Variants in STT3A observed in about 807,000 individuals in gnomAD.
STT3A encodes the protein dolichyl-diphosphooligosaccharide--protein glycosyltransferase subunit STT3A.
STT3A carries 34 observed loss-of-function variants against 89.2 expected under a neutral mutation model. That is an observed-to-expected ratio of 0.38 (90% CI 0.29 to 0.51). The LOEUF (loss-of-function observed/expected upper bound fraction) is 0.51. STT3A is among the 20% of genes least tolerant of loss of function. The pLI, the probability that STT3A is intolerant of heterozygous loss-of-function variation, is 0.89. For synonymous variants in STT3A, 282 were observed against 310.3 expected (o/e 0.91, Z 0.96); for missense variants, 555 against 889.5 (o/e 0.62, Z 4.78).
At chr11:125,602,525 A>G in intron 4 of STT3A, 101 bp downstream of exon 4, 1 of 1,337,394 alleles carries the variant, frequency 7.5e-7, no homozygotes, top group Non-Finnish European at 1.0e-6. Flanking sequence ...GTCTTGTGAC[A>G]CTTGTAATTT....
chr11:125,596,646 G>A (rs916542555), intron 2 of STT3A, among the ~76,000 whole-genome samples: 2 of 152,168 alleles, frequency 1.3e-5, no homozygotes, highest in Non-Finnish European at 2.9e-5. Flanking sequence ...AGTTTACTCT[G>A]TATTTTAGAT....
intron 2 of STT3A, among the ~76,000 whole-genome samples, chr11:125,596,413 C>T (rs896935253): frequency 1.3e-5 from 2 of 152,074 alleles, no homozygotes; most frequent in Non-Finnish European, 2.9e-5. Flanking sequence ...TGCAGTAAGC[C>T]GAGATTGCAC....
At position 125,602,674 on chromosome 11, in the gene STT3A, T is replaced by G. The variant is rs1939721319; in HGVS notation, c.272-129T>G. 2.3e-6 allele frequency: 3 copies of G among 1,288,504 alleles called. No homozygotes were observed. The African/African-American group carries it at 4.4e-5, about 19-fold the overall frequency. 79.8% of individuals were successfully genotyped at this position (1,288,504 alleles called of 1,614,324 possible). A position where few individuals can be genotyped will look rare whatever the true frequency, so the allele number is the denominator to read the frequency against. On this transcript the variant is annotated intron_variant, in intron 4 of 17. Coordinates refer to ENST00000392708, the MANE Select transcript of STT3A (RefSeq NM_152713.5). ...GAGAAATTTATAGGCTTACTGCAGT[T>G]GCTATGTTAGTATTTCTGGTGATTT... is the stretch of plus-strand genomic sequence containing the variant.
chr11:125,611,644 TG>T, intron 11 of STT3A, 125 bp downstream of exon 11: 1 of 868,904 alleles, frequency 1.2e-6, no homozygotes. Context: ...TTTGAGGGAA[TG>T]AGTTGTAAGT....
At position 125,613,159 on chromosome 11, in the gene STT3A, T is replaced by C; in HGVS notation, c.1536T>C (p.Leu512=). The change falls in exon 13 of 18, where the codon CTT becomes CTC. Residue 512 remains leucine (L), a synonymous_variant. Coordinates refer to ENST00000392708, the MANE Select transcript of STT3A (RefSeq NM_152713.5). The surrounding 1 kb of genome is among the most constrained non-coding windows in gnomAD (Gnocchi z 4.2). ...FDDFREAYYW[L]RHNTPEDAKV... ...ACTTCCGAGAAGCATATTATTGGCT[T>C]CGTCATAATACTCCAGAGGTGAAGA... is the stretch of plus-strand genomic sequence containing the variant. The C allele has an allele frequency of 6.2e-7, 1 of 1,613,938 alleles. No homozygotes were observed. Among genetic ancestry groups the C allele is most frequent in the African/African-American group, 1.3e-5 (1 of 75,004 alleles).
Position 125,620,877 on chromosome 11 carries a change from T to TG in STT3A, c.*67_*68insG. 3 of 1,427,584 alleles carry TG rather than the reference T, an allele frequency of 2.1e-6. No homozygotes were observed. Among genetic ancestry groups the TG allele is most frequent in the Non-Finnish European group, 2.9e-6 (3 of 1,051,098 alleles). 88.4% of individuals were successfully genotyped at this position (1,427,584 alleles called of 1,614,324 possible). A position where few individuals can be genotyped will look rare whatever the true frequency, so the allele number is the denominator to read the frequency against. On this transcript the variant is annotated 3_prime_UTR_variant, in exon 18 of 18. Coordinates refer to ENST00000392708, the MANE Select transcript of STT3A (RefSeq NM_152713.5). ...ACATTTAGGACGTTGAAGATTTTTTTTTTTTTTTTTTTTTAATATGCAGTT... is the reference window on the plus strand; with the variant it reads ...ACATTTAGGACGTTGAAGATTTTTTTGTTTTTTTTTTTTTTAATATGCAGTT...
upstream of STT3A, chr11:125,592,403 G>C (rs1939325686): frequency 2.2e-6 from 1 of 456,146 alleles, no homozygotes; most frequent in Non-Finnish European, 4.4e-6. Flanking sequence ...CCTTGTATTA[G>C]GTAACAATTT....
intron 3 of STT3A, among the ~76,000 whole-genome samples, chr11:125,601,005 G>T (rs559201523): frequency 6.6e-6 from 1 of 152,130 alleles, no homozygotes; most frequent in South Asian, 2.1e-4. Context: ...GCCCAGGCTG[G>T]TCTTGAACTG....
rs1415832013 is a variant in STT3A at position 125,605,748 on chromosome 11, A to G, written c.615+13A>G. On this transcript the variant is annotated intron_variant, in intron 7 of 17. Coordinates refer to ENST00000392708, the MANE Select transcript of STT3A (RefSeq NM_152713.5). ...TTATTTCTACATGGTAACTTTTTCT[A>G]CATGTTTTCAATTTTTAAAGTTCTC... The G allele has an allele frequency of 2.5e-6, 4 of 1,601,758 alleles. No individual in the cohort carries two copies. The Admixed American group carries it at 5.0e-5, about 20-fold the overall frequency.
intron 7 of STT3A, 25 bp from the exon 8 acceptor site, chr11:125,606,276 A>G (rs751652549): frequency 1.2e-6 from 2 of 1,606,744 alleles, no homozygotes; most frequent in East Asian, 4.5e-5. Context: ...ACTCAGAGGA[A>G]CTGTTTTTTT....
Position 125,621,083 on chromosome 11 carries a change from C to T in STT3A, c.*273C>T. The T allele has an allele frequency of 3.1e-6, 1 of 327,760 alleles. No homozygotes were observed. The highest frequency in any genetic ancestry group is 5.6e-6 in the Non-Finnish European group (1 of 179,794). The allele number at this position is 327,760 out of a possible 1,614,324, so 20.3% of individuals were successfully genotyped here. Reference sequence around the variant, plus strand: ...AAAAAATGTGCCTTATTTGTTTTGACTTATAACTGATTTGAGGGAGGCAAA... The same window carrying T: ...AAAAAATGTGCCTTATTTGTTTTGATTTATAACTGATTTGAGGGAGGCAAA... On this transcript the variant is annotated 3_prime_UTR_variant, in exon 18 of 18. Coordinates refer to ENST00000392708, the MANE Select transcript of STT3A (RefSeq NM_152713.5).
At chr11:125,608,084 A>G (rs376061928) in intron 8 of STT3A, 25 bp from the exon 9 acceptor site, 3 of 1,571,170 alleles carry the variant, frequency 1.9e-6, no homozygotes, top group Non-Finnish European at 1.7e-6. Flanking sequence ...CCTTAGTATT[A>G]ACATACATAT....
At chr11:125,606,200 A>G (rs750361948) in intron 7 of STT3A, 101 bp from the exon 8 acceptor site, 41 of 1,110,236 alleles carry the variant, frequency 3.7e-5, no homozygotes, top group East Asian at 4.7e-5. Flanking sequence ...TATAGTTACT[A>G]TAAGTGTTCT....
chr11:125,592,565 A>G, upstream of STT3A: 1 of 447,078 alleles, frequency 2.2e-6, no homozygotes, highest in Non-Finnish European at 4.5e-6. Context: ...TGGGTCCGCA[A>G]ACCGACACGT....
intron 3 of STT3A, 117 bp downstream of exon 3, chr11:125,597,236 A>C: frequency 1.9e-6 from 2 of 1,074,760 alleles, no homozygotes; most frequent in Non-Finnish European, 2.8e-6. Context: ...AGTACATTTA[A>C]GGGAAAAAAA....
intron 8 of STT3A, among the ~76,000 whole-genome samples, chr11:125,607,614 G>A (rs556704719): frequency 1.3e-5 from 2 of 152,342 alleles, no homozygotes; most frequent in African/African-American, 2.4e-5. Context: ...CTCTGGAGGT[G>A]GGGCTCAGCG....
At chr11:125,617,167 GAAGAT>G (rs1290148906) in intron 15 of STT3A, among the ~76,000 whole-genome samples, 2 of 152,182 alleles carry the variant, frequency 1.3e-5, no homozygotes, top group African/African-American at 4.8e-5. Context: ...TTTGTAATAT[GAAGAT>G]AAGAATGCAG....
rs1455674444 is a variant in STT3A at position 125,622,134 on chromosome 11, C to T, written c.*1324C>T. ...TCACTGATGTATATAAACCCTAAGGCGTTAATAAAAGCTAACTGTTTAGTG... is the reference window on the plus strand; with the variant it reads ...TCACTGATGTATATAAACCCTAAGGTGTTAATAAAAGCTAACTGTTTAGTG... On this transcript the variant is annotated 3_prime_UTR_variant, in exon 18 of 18. Transcript: ENST00000392708. 6.6e-6 allele frequency: 1 copy of T among 152,126 alleles called. No homozygotes were observed. Among genetic ancestry groups the T allele is most frequent in the South Asian group, 2.1e-4 (1 of 4,828 alleles). The allele number at this position is 152,126 out of a possible 1,614,324, so 9.4% of individuals were successfully genotyped here.
rs562387134 is a variant in STT3A, at chr11:125,596,502, G to A, written c.88+499G>A. Among the ~76,000 whole-genome samples, 7 of 152,258 alleles carry A rather than the reference G, an allele frequency of 4.6e-5. No homozygotes were observed. The East Asian group carries it at 1.4e-3, about 29-fold the overall frequency. ...GCTGTGATCATCTTTGAAAGAATGG[G>A]AAGCATGCTGTGCCAATTCTGTTTT... On this transcript the variant is annotated intron_variant, in intron 2 of 17. Coordinates refer to ENST00000392708, the MANE Select transcript of STT3A (RefSeq NM_152713.5).
Sources: gnomAD v4.1 joint callset for allele counts (sites outside exome capture counted in the v4.1 genomes callset) on GRCh38, gnomAD v4.1.1 for gene constraint, Gnocchi (gnomAD v3.1) non-coding constraint, MANE v1.5 for transcripts, NCBI Gene and HGNC (gene_info 2026-07-23, HGNC 2026-07-21) for gene names.